Variants in RBFOX1 observed in about 807,000 individuals in gnomAD.
RBFOX1 encodes the protein RNA binding protein fox-1 homolog 1.
In RBFOX1, 8 loss-of-function variants were observed where a neutral mutation model predicts 57.7. The observed-to-expected ratio is 0.14, with a 90% CI of 0.08 to 0.25. RBFOX1 has a LOEUF of 0.25. RBFOX1 is among the 10% of genes least tolerant of loss of function. The pLI is 1.00. For synonymous variants in RBFOX1, 326 were observed against 222.4 expected, an observed-to-expected ratio of 1.47 and a Z score of -4.15; for missense variants, 611 against 548.5, an observed-to-expected ratio of 1.11 and a Z score of -1.14.
chr16:6,845,663 AAG>A (rs144062432), intron 3 of RBFOX1, among the ~76,000 whole-genome samples: 32,769 of 152,056 alleles, frequency 0.22, 4,222 homozygotes, highest in South Asian at 0.4. Context: ...TCATTCTACA[AAG>A]AGAAAATTTC....
At chr16:5,284,443 G>T (rs1378041089) in intron 1 of RBFOX1, among the ~76,000 whole-genome samples, 1 of 151,864 alleles carries the variant, frequency 6.6e-6, no homozygotes, top group Non-Finnish European at 1.5e-5. Flanking sequence ...TTGTTCTTTT[G>T]CTTCCCAATG....
chr16:6,593,919 T>C (rs1253726518), intron 2 of RBFOX1, among the ~76,000 whole-genome samples: 3 of 152,188 alleles, frequency 2.0e-5, no homozygotes, highest in African/African-American at 4.8e-5. Flanking sequence ...TTTACTGGCA[T>C]TGTAGACTCC....
In RBFOX1 at chr16:5,689,059, C is replaced by T. The variant is rs77295245; in HGVS notation, c.318+90098C>T. ...TATTTTGACATCTTGTGTCACTTACCTAACTTTGAACCAATAAGCCAAGGT... is the reference window on the plus strand; with the variant it reads ...TATTTTGACATCTTGTGTCACTTACTTAACTTTGAACCAATAAGCCAAGGT... On this transcript the variant is annotated intron_variant, in intron 3 of 19. Transcript: ENST00000641259. Among the ~76,000 whole-genome samples, 797 of 152,286 alleles carry T rather than the reference C, an allele frequency of 5.2e-3. 5 individuals carry two copies. The highest frequency in any genetic ancestry group is 0.018 in the African/African-American group (768 of 41,566).
chr16:5,826,364 C>G (rs2056055865), intron 3 of RBFOX1, among the ~76,000 whole-genome samples: 1 of 152,156 alleles, frequency 6.6e-6, no homozygotes, highest in South Asian at 2.1e-4. Context: ...AGATGTCCAG[C>G]TGTTTTCATT....
rs147017075 is a variant in RBFOX1, at chr16:6,655,979, A to G, written c.-16+1329A>G. On this transcript the variant is annotated intron_variant, in intron 3 of 15. Coordinates refer to ENST00000550418, the MANE Select transcript of RBFOX1 (RefSeq NM_018723.4). ...TCTCCTCACATTGGGAAGAATAATGATACAGTAAGTTCAATTCAATCTGCG... is the reference window on the plus strand; with the variant it reads ...TCTCCTCACATTGGGAAGAATAATGGTACAGTAAGTTCAATTCAATCTGCG... Among the ~76,000 whole-genome samples the G allele has an allele frequency of 1.7e-3, 259 of 152,334 alleles. 3 individuals carry two copies. Among genetic ancestry groups the G allele is most frequent in the African/African-American group, 5.5e-3 (230 of 41,578 alleles).
In RBFOX1 at chr16:7,186,269, TAAAC is replaced by T. The variant is rs1567617622; in HGVS notation, c.27+134173_27+134176del. 7.0e-4 allele frequency among the ~76,000 whole-genome samples: 91 copies of T among 129,192 alleles called. 5 individuals are homozygous for T. Among genetic ancestry groups the T allele is most frequent in the East Asian group, 1.3e-3 (6 of 4,642 alleles). The allele number at this position is 129,192 out of a possible 152,430, so 84.8% of individuals were successfully genotyped here. On this transcript the variant is annotated intron_variant, in intron 4 of 15. Coordinates refer to ENST00000550418, the MANE Select transcript of RBFOX1 (RefSeq NM_018723.4). Reference sequence around the variant, plus strand: ...AAACATAAACATATTTATATAAACATAAACATAAACATATTTATATAAATATAAA... The same window carrying T: ...AAACATAAACATATTTATATAAACATATAAACATATTTATATAAATATAAA...
At chr16:7,177,105 T>A (rs1162943901) in intron 4 of RBFOX1, among the ~76,000 whole-genome samples, 1 of 152,228 alleles carries the variant, frequency 6.6e-6, no homozygotes, top group Non-Finnish European at 1.5e-5. Flanking sequence ...GACAACTCCA[T>A]TTAGTATTGT....
At chr16:7,457,453 A>G (rs562813956) in intron 4 of RBFOX1, among the ~76,000 whole-genome samples, 52 of 152,334 alleles carry the variant, frequency 3.4e-4, no homozygotes, top group African/African-American at 1.2e-3. Flanking sequence ...GTACACGGAC[A>G]CATCTATTTA....
intron 3 of RBFOX1, among the ~76,000 whole-genome samples, chr16:6,883,153 A>G (rs774303719): frequency 6.6e-6 from 1 of 152,216 alleles, no homozygotes; most frequent in Non-Finnish European, 1.5e-5. Flanking sequence ...GTGGGGAGGT[A>G]GCCATTTATA....
chr16:5,582,415 G>C (rs1272178224), intron 2 of RBFOX1, among the ~76,000 whole-genome samples: 1 of 152,180 alleles, frequency 6.6e-6, no homozygotes, highest in Non-Finnish European at 1.5e-5. Flanking sequence ...GCCGGGTATT[G>C]TGGAACTGAG....
intron 3 of RBFOX1, among the ~76,000 whole-genome samples, chr16:5,827,346 G>C (rs2056096606): frequency 6.9e-6 from 1 of 144,474 alleles, no homozygotes; most frequent in South Asian, 2.1e-4. Flanking sequence ...GTTGCAGTGA[G>C]CCAAGATCGT....
At chr16:6,910,229 A>G (rs1320652821) in intron 3 of RBFOX1, among the ~76,000 whole-genome samples, 2 of 152,086 alleles carry the variant, frequency 1.3e-5, no homozygotes, top group Non-Finnish European at 1.5e-5. Flanking sequence ...GTCTCATGAG[A>G]TGATTACTTC....
chr16:7,655,788 T>C (rs2066159493), intron 12 of RBFOX1, among the ~76,000 whole-genome samples: 1 of 152,194 alleles, frequency 6.6e-6, no homozygotes, highest in Non-Finnish European at 1.5e-5. Flanking sequence ...CACTACTATA[T>C]TGAAGAGCAA....
chr16:6,242,305 C>T (rs1171693078), intron 1 of RBFOX1, among the ~76,000 whole-genome samples: 1 of 152,124 alleles, frequency 6.6e-6, no homozygotes. Context: ...AATCAAATAT[C>T]TATCATGATC....
chr16:7,653,963 T>A lies in RBFOX1; in HGVS notation c.890+16T>A. On this transcript the variant is annotated intron_variant, in intron 12 of 15. Coordinates refer to ENST00000550418, the MANE Select transcript of RBFOX1 (RefSeq NM_018723.4). ...CCTACGGCGGGTAAGTGGGGCAGCC[T>A]CCTGGGTGGGCCTCCCTGCACCAGC... The A allele has an allele frequency of 6.7e-7, 1 of 1,486,462 alleles. No individual in the cohort carries two copies. Among genetic ancestry groups the A allele is most frequent in the Middle Eastern group, 2.3e-4 (1 of 4,262 alleles). The allele number at this position is 1,486,462 out of a possible 1,614,324, so 92.1% of individuals were successfully genotyped here.
chr16:6,936,748 A>T (rs1211478151), intron 3 of RBFOX1, among the ~76,000 whole-genome samples: 1 of 152,098 alleles, frequency 6.6e-6, no homozygotes, highest in Non-Finnish European at 1.5e-5. Context: ...GGGTAATTCC[A>T]TACTGTATTG....
intron 9 of RBFOX1, among the ~76,000 whole-genome samples, chr16:7,602,606 G>A (rs2095089882): frequency 6.6e-6 from 1 of 152,156 alleles, no homozygotes; most frequent in Non-Finnish European, 1.5e-5. Context: ...GTCTCTTTCA[G>A]GTACGAGGAG....
At position 6,019,108 on chromosome 16, in the gene RBFOX1, T is replaced by C; in HGVS notation, c.-1011T>C. On this transcript the variant is annotated 5_prime_UTR_variant, in exon 1 of 16. It removes an upstream start codon present in the reference 5' UTR. Transcript: ENST00000550418. This position sits in a 1 kb window ranked among gnomAD's most constrained non-coding sequence, Gnocchi z 4.2. ...ACAGACACACACGCACACACACACA[T>C]GCACACATTTTCTCGCGCTCTCTCC... The C allele has an allele frequency of 1.0e-6, 1 of 984,544 alleles. No homozygotes were observed. The highest frequency in any genetic ancestry group is 1.2e-6 in the Non-Finnish European group (1 of 829,690). The allele number at this position is 984,544 out of a possible 1,614,324, so 61.0% of individuals were successfully genotyped here. A position where few individuals can be genotyped will look rare whatever the true frequency, so the allele number is the denominator to read the frequency against.
Position 7,708,928 on chromosome 16 carries a change from T to C in RBFOX1, c.996-128T>C, listed in dbSNP as rs145153639. The C allele has an allele frequency of 2.4e-4, 184 of 761,922 alleles. No individual in the cohort carries two copies. The African/African-American group carries it at 2.9e-3, about 12-fold the overall frequency. The allele number at this position is 761,922 out of a possible 1,614,324, so 47.2% of individuals were successfully genotyped here. On this transcript the variant is annotated intron_variant, in intron 14 of 15. Coordinates refer to ENST00000550418, the MANE Select transcript of RBFOX1 (RefSeq NM_018723.4). ...ACTCTTCTTATACTACACAGCAGAGTAGAATTTGCTTCTCACTGGAAGATG... is the reference window on the plus strand; with the variant it reads ...ACTCTTCTTATACTACACAGCAGAGCAGAATTTGCTTCTCACTGGAAGATG...
Sources: gnomAD v4.1 joint callset for allele counts (sites outside exome capture counted in the v4.1 genomes callset) on GRCh38, gnomAD v4.1.1 for gene constraint, Gnocchi (gnomAD v3.1) non-coding constraint, MANE v1.5 for transcripts, NCBI Gene and HGNC (gene_info 2026-07-23, HGNC 2026-07-21) for gene names.